The following SLC30A8 variants were observed in gnomAD, a reference collection of about 807,000 sequenced individuals.
The protein encoded by SLC30A8 is solute carrier family 30 member 8, also known as proton-coupled zinc antiporter SLC30A8.
SLC30A8 carries 27 observed loss-of-function variants against 36.9 expected under a neutral mutation model. The observed-to-expected ratio is 0.73, with a 90% CI of 0.54 to 1.01. The LOEUF (loss-of-function observed/expected upper bound fraction) is 1.01. Ranked by LOEUF, SLC30A8 falls within the 50% of genes least tolerant of loss-of-function variation. The pLI, the probability that SLC30A8 is intolerant of heterozygous loss-of-function variation, is 0.00. For missense variants in SLC30A8, 439 were observed against 452.0 expected (o/e 0.97, Z 0.26); for synonymous variants, 164 against 172.4 (o/e 0.95, Z 0.38).
intron 2 of SLC30A8, among the ~76,000 whole-genome samples, chr8:117,070,395 G>A (rs1340020598): frequency 6.6e-6 from 1 of 152,124 alleles, no homozygotes; most frequent in Non-Finnish European, 1.5e-5. Context: ...TACCTCAGAC[G>A]CTCCAGCAGG....
At chr8:117,114,575 C>T (rs1820363615) in intron 2 of SLC30A8, among the ~76,000 whole-genome samples, 1 of 152,078 alleles carries the variant, frequency 6.6e-6, no homozygotes, top group Admixed American at 6.6e-5. Flanking sequence ...AAAACTGTTT[C>T]ATATGATAAA....
At chr8:117,124,491 C>A (rs1398713109) in intron 2 of SLC30A8, among the ~76,000 whole-genome samples, 1 of 151,764 alleles carries the variant, frequency 6.6e-6, no homozygotes, top group Non-Finnish European at 1.5e-5. Flanking sequence ...CCACAGCAGG[C>A]AAAATCAGAG....
intron 2 of SLC30A8, among the ~76,000 whole-genome samples, chr8:117,060,046 A>G (rs1029295420): frequency 1.3e-5 from 2 of 152,174 alleles, no homozygotes; most frequent in African/African-American, 2.4e-5. Flanking sequence ...TCAAGATGCC[A>G]TTAATGGAAG....
intron 2 of SLC30A8, among the ~76,000 whole-genome samples, chr8:117,112,828 T>C (rs1820289238): frequency 6.6e-6 from 1 of 152,118 alleles, no homozygotes; most frequent in Admixed American, 6.6e-5. Context: ...TCTTTGTTTT[T>C]CCTTCAAGTG....
intron 2 of SLC30A8, among the ~76,000 whole-genome samples, chr8:117,053,374 A>C (rs1481116039): frequency 6.6e-6 from 1 of 152,058 alleles, no homozygotes; most frequent in African/African-American, 2.4e-5. Context: ...CTGCATGTAC[A>C]TGTATTTAAA....
intron 2 of SLC30A8, among the ~76,000 whole-genome samples, chr8:117,113,124 G>C (rs1230048815): frequency 6.6e-6 from 1 of 152,104 alleles, no homozygotes; most frequent in African/African-American, 2.4e-5. Flanking sequence ...GTATCTCCTA[G>C]GAGTTTGTTA....
chr8:117,098,498 C>T (rs1000593358), intron 2 of SLC30A8, among the ~76,000 whole-genome samples: 79 of 152,104 alleles, frequency 5.2e-4, no homozygotes, highest in African/African-American at 1.9e-3. Flanking sequence ...TCCACGGATG[C>T]GTGTCTGGGA....
intron 1 of SLC30A8, among the ~76,000 whole-genome samples, chr8:117,025,212 C>T (rs1816837058): frequency 6.6e-6 from 1 of 152,138 alleles, no homozygotes; most frequent in African/African-American, 2.4e-5. Context: ...CTCCATGAAA[C>T]ACTAGCTCCA....
At chr8:117,015,747 AC>A (rs1816497153) in intron 1 of SLC30A8, among the ~76,000 whole-genome samples, 1 of 152,162 alleles carries the variant, frequency 6.6e-6, no homozygotes, top group South Asian at 2.1e-4. Flanking sequence ...AAAGTAGGAA[AC>A]TTTGTAGTAA....
intron 1 of SLC30A8, among the ~76,000 whole-genome samples, chr8:116,962,171 T>C (rs1169272327): frequency 6.6e-6 from 1 of 152,010 alleles, no homozygotes. Flanking sequence ...GGCTAGAAAC[T>C]AGATAAGTTA....
chr8:117,002,968 T>C (rs925861444), intron 1 of SLC30A8, among the ~76,000 whole-genome samples: 3 of 152,200 alleles, frequency 2.0e-5, no homozygotes, highest in African/African-American at 7.2e-5. Context: ...TATTTTATCA[T>C]GCCCAGATTA....
At chr8:116,974,267 A>G (rs1814899570) in intron 1 of SLC30A8, among the ~76,000 whole-genome samples, 1 of 152,230 alleles carries the variant, frequency 6.6e-6, no homozygotes, top group Non-Finnish European at 1.5e-5. Flanking sequence ...ACAGAATGGG[A>G]GAAAATTTTC....
chr8:117,005,612 A>G lies in SLC30A8; in HGVS notation c.-265-33607A>G, dbSNP rs547118940. Among the ~76,000 whole-genome samples the G allele has an allele frequency of 4.2e-4, 64 of 152,344 alleles. 1 individual carries two copies. In the South Asian group the frequency reaches 0.013, roughly 31 times the overall value. ...TACCTATGTGGAATTGCTGGGTCAT[A>G]TGATAACTCTATGTTTAACCTTTTG... On this transcript the variant is annotated intron_variant, in intron 1 of 10. Transcript: ENST00000427715.
At chr8:117,026,365 G>A (rs1181298249) in intron 1 of SLC30A8, among the ~76,000 whole-genome samples, 2 of 151,638 alleles carry the variant, frequency 1.3e-5, no homozygotes, top group African/African-American at 2.4e-5. Context: ...AGAAAGCATA[G>A]GGCAGAATAT....
At chr8:117,045,332 TC>T (rs575950229) in intron 2 of SLC30A8, among the ~76,000 whole-genome samples, 1 of 151,680 alleles carries the variant, frequency 6.6e-6, no homozygotes, top group African/African-American at 2.4e-5. Flanking sequence ...ATTTCATCGT[TC>T]CCCCACCGTA....
At chr8:117,087,187 A>G (rs1586487767) in intron 2 of SLC30A8, among the ~76,000 whole-genome samples, 1 of 152,212 alleles carries the variant, frequency 6.6e-6, no homozygotes, top group African/African-American at 2.4e-5. Flanking sequence ...TCTGGGATCT[A>G]AGAAGCTGTG....
chr8:116,972,661 T>C (rs1269805109), intron 1 of SLC30A8, among the ~76,000 whole-genome samples: 1 of 152,210 alleles, frequency 6.6e-6, no homozygotes. Context: ...ACCAGTAGAC[T>C]TTTTACAATT....
intron 1 of SLC30A8, among the ~76,000 whole-genome samples, chr8:116,979,914 A>G (rs1313607299): frequency 1.3e-5 from 2 of 152,228 alleles, no homozygotes; most frequent in East Asian, 3.8e-4. Flanking sequence ...TGAGGTAAGG[A>G]TAGGATCATT....
At chr8:117,146,136 T>C (rs1286032666) in intron 1 of SLC30A8, among the ~76,000 whole-genome samples, 1 of 152,154 alleles carries the variant, frequency 6.6e-6, no homozygotes, top group Non-Finnish European at 1.5e-5. Flanking sequence ...GTTCCTAGAA[T>C]AAAGAAGAGA....
Sources: allele counts gnomAD v4.1 joint callset (sites outside exome capture counted in the v4.1 genomes callset), GRCh38; gene constraint gnomAD v4.1.1; transcripts MANE v1.5; gene names NCBI Gene and HGNC (gene_info 2026-07-23, HGNC 2026-07-21).